The following CSMD3 variants were observed in gnomAD, a reference collection of about 807,000 sequenced individuals.
The protein encoded by CSMD3 is CUB and Sushi multiple domains 3.
Under a neutral mutation model 435.2 loss-of-function variants are expected in CSMD3, and 177 were observed. The ratio of observed to expected loss-of-function variants is 0.41; its 90% confidence interval spans 0.36 to 0.46. The LOEUF (loss-of-function observed/expected upper bound fraction) is 0.46. Ranked by LOEUF, CSMD3 falls within the 20% of genes least tolerant of loss-of-function variation. The pLI is 0.34. For synonymous variants in CSMD3, 1,656 were observed against 1,520.5 expected, an observed-to-expected ratio of 1.09 and a Z score of -2.07; for missense variants, 4,265 against 4,504.6, an observed-to-expected ratio of 0.95 and a Z score of 1.52.
chr8:112,413,190 C>G (rs1811538251), intron 32 of CSMD3, among the ~76,000 whole-genome samples: 1 of 152,080 alleles, frequency 6.6e-6, no homozygotes, highest in African/African-American at 2.4e-5. Context: ...TTTCCTAGTT[C>G]ATTTTCTCCC....
At chr8:112,584,071 A>G (rs1830533240) in intron 23 of CSMD3, among the ~76,000 whole-genome samples, 1 of 151,856 alleles carries the variant, frequency 6.6e-6, no homozygotes, top group Non-Finnish European at 1.5e-5. Flanking sequence ...TCTGGTATAA[A>G]GTTAATGACT....
intron 7 of CSMD3, among the ~76,000 whole-genome samples, chr8:112,956,968 C>A (rs890279605): frequency 6.6e-6 from 1 of 151,904 alleles, no homozygotes; most frequent in African/African-American, 2.4e-5. Context: ...GAATTAACAA[C>A]ATAAAATTTA....
intron 63 of CSMD3, among the ~76,000 whole-genome samples, chr8:112,249,775 C>CT (rs1361115983): frequency 2.6e-5 from 4 of 152,038 alleles, no homozygotes; most frequent in African/African-American, 2.4e-5. Context: ...GCTATTCCTA[C>CT]TGCATGGAAT....
chr8:112,365,513 C>A (rs1827698287), intron 38 of CSMD3, among the ~76,000 whole-genome samples: 3 of 115,094 alleles, frequency 2.6e-5, no homozygotes, highest in South Asian at 2.9e-4. Context: ...CTTCTACCAT[C>A]TTCTTATAAC....
At chr8:112,968,615 G>T (rs2130898157) in intron 7 of CSMD3, among the ~76,000 whole-genome samples, 1 of 152,012 alleles carries the variant, frequency 6.6e-6, no homozygotes. Context: ...TTTCAAGACA[G>T]TTTTACCTCA....
intron 1 of CSMD3, chr8:113,376,621 A>G: frequency 8.7e-7 from 1 of 1,146,760 alleles, no homozygotes; most frequent in South Asian, 1.3e-5. Flanking sequence ...ATCAAAAGAA[A>G]GTTTACCACT....
At chr8:112,376,644 T>G (rs1440595609) in intron 38 of CSMD3, among the ~76,000 whole-genome samples, 1 of 152,100 alleles carries the variant, frequency 6.6e-6, no homozygotes, top group Non-Finnish European at 1.5e-5. Context: ...ACAAAACATA[T>G]GCACACCTAG....
chr8:113,019,149 A>T lies in CSMD3; in HGVS notation c.948T>A (p.Ile316=), dbSNP rs1488973673. Residue 316 remains isoleucine, a synonymous_variant, in exon 6 of 71, where the codon ATT becomes ATA. Transcript: ENST00000297405. ...GTCTGAGCCAGTTTTTGTTGCTGATAATTGGTGGTGGTATATTCATTCCAG... is the reference window on the plus strand; with the variant it reads ...GTCTGAGCCAGTTTTTGTTGCTGATTATTGGTGGTGGTATATTCATTCCAG... ...WLSGMNIPPP[I]ISNKNWLRLH... is the part of the protein sequence containing the mutation. 8 of 1,612,954 alleles carry T rather than the reference A, an allele frequency of 5.0e-6. No homozygotes were observed. In the African/African-American group the frequency reaches 1.1e-4, roughly 22 times the overall value.
chr8:112,843,594 G>T (rs2080239620), intron 11 of CSMD3, among the ~76,000 whole-genome samples: 1 of 151,876 alleles, frequency 6.6e-6, no homozygotes, highest in South Asian at 2.1e-4. Flanking sequence ...ATTAGAGGAA[G>T]AAGTCAGAAG....
intron 1 of CSMD3, among the ~76,000 whole-genome samples, chr8:113,403,474 A>G (rs966194891): frequency 2.0e-5 from 3 of 151,374 alleles, no homozygotes; most frequent in African/African-American, 7.2e-5. Context: ...AAAGGAAAAT[A>G]TATATAGAAA....
intron 35 of CSMD3, among the ~76,000 whole-genome samples, chr8:112,405,554 T>C (rs927954313): frequency 2.0e-5 from 3 of 151,660 alleles, no homozygotes; most frequent in African/African-American, 7.2e-5. Flanking sequence ...TAATTTTAGA[T>C]AGTATACATT....
chr8:112,972,799 A>C (rs556597839), intron 7 of CSMD3, among the ~76,000 whole-genome samples: 1 of 152,124 alleles, frequency 6.6e-6, no homozygotes, highest in African/African-American at 2.4e-5. Flanking sequence ...AGCATGAATA[A>C]AACCCACCCA....
chr8:112,983,697 T>C lies in CSMD3; in HGVS notation c.1031-7549A>G, dbSNP rs151113491. Among the ~76,000 whole-genome samples the C allele has an allele frequency of 5.9e-3, 899 of 151,852 alleles. 5 individuals carry two copies. The highest frequency in any genetic ancestry group is 0.019 in the African/African-American group (800 of 41,452). ...TGAAGTTTGCCATAAGACCATTTAG[T>C]GATTTTTATTGAGGCATTTATCATA... On this transcript the variant is annotated intron_variant, in intron 6 of 70. Coordinates refer to ENST00000297405, the MANE Select transcript of CSMD3 (RefSeq NM_198123.2).
chr8:112,905,641 G>A (rs2082241654), intron 10 of CSMD3, among the ~76,000 whole-genome samples: 1 of 151,392 alleles, frequency 6.6e-6, no homozygotes, highest in Non-Finnish European at 1.5e-5. Context: ...AACTCTTTAT[G>A]GCCAAGGTTT....
chr8:112,860,406 A>G (rs190489736), intron 10 of CSMD3, among the ~76,000 whole-genome samples: 50 of 151,838 alleles, frequency 3.3e-4, no homozygotes, highest in African/African-American at 1.1e-3. Context: ...ATTATTTTGT[A>G]TAGAAAAAAT....
At chr8:112,939,010 T>C (rs569867917) in intron 9 of CSMD3, among the ~76,000 whole-genome samples, 29 of 152,224 alleles carry the variant, frequency 1.9e-4, no homozygotes, top group African/African-American at 6.0e-4. Context: ...AAATATGATA[T>C]ATGTATGTAC....
intron 31 of CSMD3, among the ~76,000 whole-genome samples, chr8:112,491,337 T>TAA (rs1461037112): frequency 6.6e-6 from 1 of 152,136 alleles, no homozygotes; most frequent in African/African-American, 2.4e-5. Flanking sequence ...TCTTTATATA[T>TAA]AACAGAGAAA....
chr8:113,294,884 G>T (rs2093708863), intron 2 of CSMD3, among the ~76,000 whole-genome samples: 1 of 152,084 alleles, frequency 6.6e-6, no homozygotes, highest in Non-Finnish European at 1.5e-5. Context: ...TAGAAGCCAA[G>T]ATTTCAAGAG....
chr8:113,208,229 C>T (rs1043875308), intron 3 of CSMD3, among the ~76,000 whole-genome samples: 3 of 152,070 alleles, frequency 2.0e-5, no homozygotes, highest in African/African-American at 7.2e-5. Context: ...ATCTTTATTA[C>T]ATGGTGTAGT....
Sources: gnomAD v4.1 joint callset for allele counts (sites outside exome capture counted in the v4.1 genomes callset) on GRCh38, gnomAD v4.1.1 for gene constraint, MANE v1.5 for transcripts, NCBI Gene and HGNC (gene_info 2026-07-23, HGNC 2026-07-21) for gene names.